MFAP4: variants seen among roughly 807,000 people sequenced by gnomAD.
MFAP4 encodes microfibril-associated glycoprotein 4.
MFAP4 carries 20 observed loss-of-function variants against 32.4 expected under a neutral mutation model. The ratio of observed to expected loss-of-function variants is 0.62; its 90% confidence interval spans 0.43 to 0.90. MFAP4 has a LOEUF of 0.90. Among genes scored for constraint, MFAP4 ranks in the 40% least tolerant of loss-of-function variants. The pLI is 0.00. For missense variants in MFAP4, 267 were observed against 329.5 expected (o/e 0.81, Z 1.47); for synonymous variants, 146 against 137.4 (o/e 1.06, Z -0.44).
intron 3 of MFAP4, among the ~76,000 whole-genome samples, 159 bp from the exon 4 acceptor site, chr17:19,385,613 C>T (rs1306976751): frequency 1.3e-5 from 2 of 152,102 alleles, no homozygotes; most frequent in African/African-American, 4.8e-5. Flanking sequence ...GTTGCTAAAA[C>T]AACGTCCACA....
rs757775204 is a variant in MFAP4 at position 19,385,252 on chromosome 17, T to C, written c.367A>G (p.Lys123Glu). The change falls in exon 5 of 6, where the codon AAG (lysine) becomes GAG (glutamate). Residue 123 changes from lysine to glutamate, a missense_variant. This residue lies in a region of MFAP4 where 223 missense variants were observed against 253.3 expected (regional missense o/e 0.88). Coordinates refer to ENST00000299610, the MANE Select transcript of MFAP4 (RefSeq NM_002404.3). ...TCCACTCGCAGCTCATACTTCTGCT[T>C]CAGTGTCAGGAGGTGCATGTTCTGC... ...GLQNMHLLTL[K>E]QKYELRVDLE... The C allele has an allele frequency of 6.2e-7, 1 of 1,614,258 alleles. No individual in the cohort carries two copies. The highest frequency in any genetic ancestry group is 8.5e-7 in the Non-Finnish European group (1 of 1,180,042).
Position 19,385,167 on chromosome 17 carries a change from G to C in MFAP4, c.452C>G (p.Pro151Arg). The change falls in exon 5 of 6, where the codon CCG becomes CGG. Residue 151 changes from proline (P) to arginine (R), a missense_variant. Pro to Arg is a moderately radical substitution (Grantham distance 103, BLOSUM62 -2). Coordinates refer to ENST00000299610, the MANE Select transcript of MFAP4 (RefSeq NM_002404.3). ...ATCCTCCTCTGCGCTGACCGCGTTC[G>C]GGGAGATGGAGAAGTCAGCGTACTT... ...YAKYADFSIS[P>R]NAVSAEEDGY... 1 of 1,614,282 alleles carries C rather than the reference G, an allele frequency of 6.2e-7. No homozygotes were observed. Among genetic ancestry groups the C allele is most frequent in the East Asian group, 2.2e-5 (1 of 44,882 alleles).
chr17:19,386,370 CGAGGGGTAGAT>C lies in MFAP4; in HGVS notation c.169_179del (p.Ile57GlyfsTer11). The C allele has an allele frequency of 6.2e-7, 1 of 1,613,720 alleles. No individual in the cohort carries two copies. Among genetic ancestry groups the C allele is most frequent in the Non-Finnish European group, 8.5e-7 (1 of 1,179,896 alleles). ...AGACGGGCACAGGCACACTGGGGCC[CGAGGGGTAGAT>C]GAGGTACACGCCGTCTGACTGGTAG... is the stretch of plus-strand genomic sequence containing the variant. On this transcript the variant is annotated frameshift_variant, in exon 3 of 6. Coordinates refer to ENST00000299610, the MANE Select transcript of MFAP4 (RefSeq NM_002404.3). LOFTEE classifies it high-confidence loss of function.
chr17:19,384,369 A>G lies in MFAP4; in HGVS notation c.*93T>C. 7.0e-7 allele frequency: 1 copy of G among 1,424,150 alleles called. No homozygotes were observed. Among genetic ancestry groups the G allele is most frequent in the Non-Finnish European group, 9.4e-7 (1 of 1,059,268 alleles). The allele number at this position is 1,424,150 out of a possible 1,614,324, so 88.2% of individuals were successfully genotyped here. ...CCTTGTAAGGAGTTGGTGCTCGGGA[A>G]TCAGCAGAAGCATGCATCAGGGGCA... On this transcript the variant is annotated 3_prime_UTR_variant, in exon 6 of 6. Coordinates refer to ENST00000299610, the MANE Select transcript of MFAP4 (RefSeq NM_002404.3).
chr17:19,386,979 C>CCCCCCCCCCCCCCCCCCAAA, intron 1 of MFAP4, 141 bp from the exon 2 acceptor site: 1 of 477,376 alleles, frequency 2.1e-6, no homozygotes, highest in Non-Finnish European at 4.1e-6. Context: ...TCTTCCCTGC[C>CCCCCCCCCCCCCCCCCCAAA]CCCCCACCCC....
rs1264127395 is a variant in MFAP4, at chr17:19,385,332, C to G, written c.337+26G>C. The G allele has an allele frequency of 1.9e-6, 3 of 1,614,098 alleles. No homozygotes were observed. The African/African-American group carries it at 4.0e-5, about 22-fold the overall frequency. ...CAAGGACCTGGCCCTGGGGCAGCCC[C>G]TCAGCCCACCTGGTCCCTGCCTTAC... On this transcript the variant is annotated intron_variant, in intron 4 of 5. Coordinates refer to ENST00000299610, the MANE Select transcript of MFAP4 (RefSeq NM_002404.3).
chr17:19,384,146 T>G lies in MFAP4; in HGVS notation c.*316A>C. 2.7e-6 allele frequency: 1 copy of G among 365,844 alleles called. No homozygotes were observed. Among genetic ancestry groups the G allele is most frequent in the Non-Finnish European group, 5.2e-6 (1 of 191,456 alleles). 22.7% of individuals were successfully genotyped at this position (365,844 alleles called of 1,614,324 possible). ...CAGCTGGGAGAGTGGCTCCTGGCTGTCAGCTGTTGGGACAGGTTGGAGGCA... is the reference window on the plus strand; with the variant it reads ...CAGCTGGGAGAGTGGCTCCTGGCTGGCAGCTGTTGGGACAGGTTGGAGGCA... On this transcript the variant is annotated 3_prime_UTR_variant, in exon 6 of 6. Transcript: ENST00000299610.
chr17:19,386,972 T>TGCCGGGGGGCCCCCCCCCCCCCCC, intron 1 of MFAP4, 134 bp from the exon 2 acceptor site: 1 of 937,012 alleles, frequency 1.1e-6, no homozygotes, highest in Non-Finnish European at 1.7e-6. Context: ...TGGCCCCTCT[T>TGCCGGGGGGCCCCCCCCCCCCCCC]CCCTGCCCCC....
At position 19,386,422 on chromosome 17, in the gene MFAP4, T is replaced by A. The variant is rs1035420255; in HGVS notation, c.128A>T (p.Asp43Val). 1 of 1,613,836 alleles carries A rather than the reference T, an allele frequency of 6.2e-7. No homozygotes were observed. The highest frequency in any genetic ancestry group is 8.5e-7 in the Non-Finnish European group (1 of 1,179,930). Residue 43 changes from aspartate (D) to valine (V), a missense_variant, in exon 3 of 6, where the codon GAC becomes GTC. By Grantham distance (152) the Asp-to-Val change is radical. Transcript: ENST00000299610. ...FCLQQPLDCD[D>V]IYAQGYQSDG... ...TGACTGGTAGCCCTGGGCATAGATGTCGTCACAGTCCAGGGGTTGCTGAAG... is the reference window on the plus strand; with the variant it reads ...TGACTGGTAGCCCTGGGCATAGATGACGTCACAGTCCAGGGGTTGCTGAAG...
In MFAP4 at chr17:19,385,294, GGCAGCTGGT is replaced by G; in HGVS notation, c.338-22_338-14del. The G allele has an allele frequency of 6.2e-7, 1 of 1,614,234 alleles. No individual in the cohort carries two copies. Among genetic ancestry groups the G allele is most frequent in the Non-Finnish European group, 8.5e-7 (1 of 1,180,024 alleles). On this transcript the variant is annotated splice_polypyrimidine_tract_variant and intron_variant, in intron 4 of 5. Transcript: ENST00000299610. ...ATGTTCTGCAGCCCTGGGGAGGAGG[GGCAGCTGGT>G]CAACAAGGACCTGGCCCTGGGGCAG...
intron 3 of MFAP4, among the ~76,000 whole-genome samples, chr17:19,386,029 G>A (rs1166469893): frequency 2.0e-5 from 3 of 152,370 alleles, no homozygotes; most frequent in East Asian, 1.9e-4. Flanking sequence ...TGAGGCAGGA[G>A]AATCTTTTGA....
intron 2 of MFAP4, 144 bp downstream of exon 2, chr17:19,386,616 T>C (rs956918006): frequency 1.6e-6 from 2 of 1,230,074 alleles, no homozygotes; most frequent in South Asian, 1.3e-5. Flanking sequence ...GCAATGCTTA[T>C]GTCATCCATC....
intron 1 of MFAP4, 140 bp from the exon 2 acceptor site, chr17:19,386,978 C>CCCCCCCCCCCCCCCCCCCCAA: frequency 2.2e-6 from 1 of 455,548 alleles, no homozygotes. Flanking sequence ...CTCTTCCCTG[C>CCCCCCCCCCCCCCCCCCCCAA]CCCCCCACCC....
chr17:19,386,111 G>A (rs1381228990), intron 3 of MFAP4, among the ~76,000 whole-genome samples, 199 bp downstream of exon 3: 1 of 152,204 alleles, frequency 6.6e-6, no homozygotes, highest in Non-Finnish European at 1.5e-5. Context: ...GACAGAGTGA[G>A]GCTCCGCCTC....
chr17:19,385,067 C>T (rs749630859), intron 5 of MFAP4, 32 bp downstream of exon 5: 10 of 1,599,814 alleles, frequency 6.3e-6, no homozygotes, highest in Non-Finnish European at 8.5e-6. Flanking sequence ...TTTCCCCTCA[C>T]AGCCCCTCCC....
Position 19,385,232 on chromosome 17 carries a change from T to G in MFAP4, c.387A>C (p.Arg129=), listed in dbSNP as rs1912985627. 2 of 1,614,150 alleles carry G rather than the reference T, an allele frequency of 1.2e-6. No homozygotes were observed. Among genetic ancestry groups the G allele is most frequent in the Non-Finnish European group, 1.7e-6 (2 of 1,180,040 alleles). Residue 129 remains arginine, a synonymous_variant, in exon 5 of 6, where the codon CGA becomes CGC. Coordinates refer to ENST00000299610, the MANE Select transcript of MFAP4 (RefSeq NM_002404.3). Reference sequence around the variant, plus strand: ...TGTTCTCAAAGTCCTCCAAGTCCACTCGCAGCTCATACTTCTGCTTCAGTG... The same window carrying G: ...TGTTCTCAAAGTCCTCCAAGTCCACGCGCAGCTCATACTTCTGCTTCAGTG... ...LLTLKQKYEL[R]VDLEDFENNT...
chr17:19,386,941 C>T lies in MFAP4; in HGVS notation c.7-103G>A, dbSNP rs760179111. ...CCATGCATGCACATACTGCCCTTGCCTGAATCCCTCTCCTGCTATTTGGCC... is the reference window on the plus strand; with the variant it reads ...CCATGCATGCACATACTGCCCTTGCTTGAATCCCTCTCCTGCTATTTGGCC... On this transcript the variant is annotated intron_variant, in intron 1 of 5. Coordinates refer to ENST00000299610, the MANE Select transcript of MFAP4 (RefSeq NM_002404.3). 4.2e-6 allele frequency: 6 copies of T among 1,427,030 alleles called. 1 individual carries two copies. Among genetic ancestry groups the T allele is most frequent in the South Asian group, 1.3e-5 (1 of 79,836 alleles). 88.4% of individuals were successfully genotyped at this position (1,427,030 alleles called of 1,614,324 possible).
intron 5 of MFAP4, 147 bp from the exon 6 acceptor site, chr17:19,384,856 G>T: frequency 1.7e-6 from 2 of 1,192,376 alleles, no homozygotes; most frequent in Non-Finnish European, 2.4e-6. Flanking sequence ...ATGTTGGGTT[G>T]ATGTGCTTCT....
rs146506304 is a variant in MFAP4 at position 19,385,166 on chromosome 17, C to A, written c.453G>T (p.Pro151=). The A allele has an allele frequency of 6.2e-7, 1 of 1,614,274 alleles. No homozygotes were observed. Among genetic ancestry groups the A allele is most frequent in the African/African-American group, 1.3e-5 (1 of 75,082 alleles). The change falls in exon 5 of 6, where the codon CCG becomes CCT. Residue 151 remains proline (P), a synonymous_variant. Transcript: ENST00000299610. ...CATCCTCCTCTGCGCTGACCGCGTT[C>A]GGGGAGATGGAGAAGTCAGCGTACT... ...YAKYADFSIS[P]NAVSAEEDGY... is the part of the protein sequence containing the mutation.
Sources: allele counts gnomAD v4.1 joint callset (sites outside exome capture counted in the v4.1 genomes callset), GRCh38; gene constraint gnomAD v4.1.1; regional missense constraint gnomAD v4.1.1; transcripts MANE v1.5; gene names NCBI Gene and HGNC (gene_info 2026-07-23, HGNC 2026-07-21).